Variants in NPM1 observed in about 807,000 individuals in gnomAD.
The protein encoded by NPM1 is nucleophosmin 1, also known as nucleophosmin.
NPM1 carries 1 observed loss-of-function variant against 44.1 expected under a neutral mutation model. That is an observed-to-expected ratio of 0.02 (90% CI 0.01 to 0.11). NPM1 has a LOEUF of 0.11. Among genes scored for constraint, NPM1 ranks in the 10% least tolerant of loss-of-function variants. The probability of loss-of-function intolerance (pLI) is 1.00; values close to 1 mark genes in which losing one functional copy is unlikely to be tolerated. For missense variants in NPM1, 197 were observed against 347.8 expected (o/e 0.57, Z 3.45); for synonymous variants, 126 against 111.8 (o/e 1.13, Z -0.80).
rs1193084676 is a variant in NPM1, at chr5:171,392,985, A to G, written c.524+7A>G. 1.2e-6 allele frequency: 2 copies of G among 1,607,732 alleles called. No homozygotes were observed. Among genetic ancestry groups the G allele is most frequent in the Admixed American group, 1.7e-5 (1 of 59,660 alleles). ...AAGAGGATGATGATGAAGAGTAAGT[A>G]TGATTTTAGAAACTTGATATACTTC... On this transcript the variant is annotated splice_region_variant and intron_variant, in intron 6 of 10. Transcript: ENST00000296930.
At chr5:171,388,196 G>C (rs1052642721) in intron 1 of NPM1, among the ~76,000 whole-genome samples, 190 bp downstream of exon 1, 2 of 152,002 alleles carry the variant, frequency 1.3e-5, no homozygotes, top group Non-Finnish European at 2.9e-5. Flanking sequence ...GGAGCCGGTG[G>C]CGTGAAGGGG....
At chr5:171,409,347 C>T (rs1199273807) in intron 10 of NPM1, among the ~76,000 whole-genome samples, 1 of 152,108 alleles carries the variant, frequency 6.6e-6, no homozygotes, top group Non-Finnish European at 1.5e-5. Flanking sequence ...TGCCTATAAT[C>T]CCAGCACTTT....
At chr5:171,406,043 G>T (rs2113279898) in intron 9 of NPM1, among the ~76,000 whole-genome samples, 1 of 152,222 alleles carries the variant, frequency 6.6e-6, no homozygotes, top group South Asian at 2.1e-4. Flanking sequence ...GGAATAAATG[G>T]TTTAAATGCC....
Position 171,410,600 on chromosome 5 carries a change from C to G in NPM1, c.*35C>G, listed in dbSNP as rs760396612. ...TTAAACAATTTGTTAAAAAATTTTC[C>G]GTCTTATTTCATTTCTGTAACAGTT... is the stretch of plus-strand genomic sequence containing the variant. On this transcript the variant is annotated 3_prime_UTR_variant, in exon 11 of 11. Coordinates refer to ENST00000296930, the MANE Select transcript of NPM1 (RefSeq NM_002520.7). The G allele has an allele frequency of 6.9e-6, 9 of 1,313,326 alleles. No individual in the cohort carries two copies. The highest frequency in any genetic ancestry group is 9.5e-6 in the Non-Finnish European group (9 of 944,548). The allele number at this position is 1,313,326 out of a possible 1,614,324, so 81.4% of individuals were successfully genotyped here.
intron 10 of NPM1, among the ~76,000 whole-genome samples, chr5:171,408,071 G>C (rs1771659791): frequency 6.6e-6 from 1 of 151,268 alleles, no homozygotes; most frequent in African/African-American, 2.4e-5. Flanking sequence ...TAAGGAAATT[G>C]CTGTGGTTTT....
At chr5:171,395,750 C>T (rs1433967327) in intron 6 of NPM1, among the ~76,000 whole-genome samples, 1 of 152,166 alleles carries the variant, frequency 6.6e-6, no homozygotes, top group Non-Finnish European at 1.5e-5. Flanking sequence ...GAAATCTAAC[C>T]TTTTGAACAC....
At chr5:171,387,837 G>A (rs1770309816), upstream of NPM1, 5 of 992,988 alleles carry the variant, frequency 5.0e-6, no homozygotes, top group Admixed American at 6.0e-5. Flanking sequence ...ATAAGCGCGG[G>A]GAGCCTGCGT....
At chr5:171,398,987 A>G (rs963731940) in intron 6 of NPM1, among the ~76,000 whole-genome samples, 1 of 151,732 alleles carries the variant, frequency 6.6e-6, no homozygotes, top group East Asian at 2.0e-4. Flanking sequence ...AGTAGCTGGG[A>G]TTACAGGCGC....
At chr5:171,397,301 G>A (rs1157214464) in intron 6 of NPM1, among the ~76,000 whole-genome samples, 3 of 152,172 alleles carry the variant, frequency 2.0e-5, no homozygotes, top group Non-Finnish European at 2.9e-5. Context: ...GAGCATTTGA[G>A]TTGCTTCTAC....
At chr5:171,399,683 A>T (rs1047838897) in intron 6 of NPM1, among the ~76,000 whole-genome samples, 1 of 150,298 alleles carries the variant, frequency 6.7e-6, no homozygotes, top group Non-Finnish European at 1.5e-5. Context: ...TAGGTCTTTA[A>T]TTTTTTTTTT....
At chr5:171,393,594 T>G (rs371662551) in intron 6 of NPM1, among the ~76,000 whole-genome samples, 1 of 151,108 alleles carries the variant, frequency 6.6e-6, no homozygotes, top group African/African-American at 2.4e-5. Flanking sequence ...ATAATTGGTC[T>G]TATGTGTGCC....
chr5:171,402,973 A>AAT (rs1771302505), intron 8 of NPM1, among the ~76,000 whole-genome samples: 3 of 90,858 alleles, frequency 3.3e-5, no homozygotes, highest in Non-Finnish European at 4.3e-5. Flanking sequence ...TTTTCATTTT[A>AAT]TTTATTTATT....
chr5:171,391,321 G>A lies in NPM1; in HGVS notation c.155G>A (p.Gly52Asp), dbSNP rs372208958. 7 of 1,613,556 alleles carry A rather than the reference G, an allele frequency of 4.3e-6. No homozygotes were observed. Among genetic ancestry groups the A allele is most frequent in the African/African-American group, 1.3e-5 (1 of 74,880 alleles). ...LSLRTVSLGA[G>D]AKDELHIVEA... is the part of the protein sequence containing the mutation. ...TGTTCACAGGTCAGTTTAGGGGCTGGTGCAAAGGATGAGTTGCACATTGTT... is the reference window on the plus strand; with the variant it reads ...TGTTCACAGGTCAGTTTAGGGGCTGATGCAAAGGATGAGTTGCACATTGTT... The change falls in exon 3 of 11, where the codon GGT becomes GAT. Residue 52 changes from glycine to aspartate, a missense_variant. Gly to Asp is a moderately conservative substitution (Grantham distance 94). Transcript: ENST00000296930.
At chr5:171,395,799 T>C (rs1237713357) in intron 6 of NPM1, among the ~76,000 whole-genome samples, 1 of 152,126 alleles carries the variant, frequency 6.6e-6, no homozygotes, top group African/African-American at 2.4e-5. Context: ...GAGGATGGAA[T>C]GGGTATATGG....
chr5:171,394,407 C>T (rs754401695), intron 6 of NPM1, among the ~76,000 whole-genome samples: 3 of 152,100 alleles, frequency 2.0e-5, no homozygotes, highest in South Asian at 2.1e-4. Flanking sequence ...CTCCTAACCT[C>T]GGGCGATCTG....
chr5:171,393,779 T>C (rs1043382471), intron 6 of NPM1, among the ~76,000 whole-genome samples: 7 of 152,146 alleles, frequency 4.6e-5, no homozygotes, highest in African/African-American at 1.7e-4. Context: ...CTTCAAAATC[T>C]TTGAGCATGA....
intron 8 of NPM1, among the ~76,000 whole-genome samples, chr5:171,405,022 C>T: frequency 6.6e-6 from 1 of 152,160 alleles, no homozygotes; most frequent in Admixed American, 6.5e-5. Context: ...ACTACAGCCT[C>T]CAGCTGCTGG....
chr5:171,397,410 G>A (rs1224221642), intron 6 of NPM1, among the ~76,000 whole-genome samples: 1 of 152,088 alleles, frequency 6.6e-6, no homozygotes, highest in Non-Finnish European at 1.5e-5. Flanking sequence ...GCAGTGTATG[G>A]GGCTTCTGAT....
intron 8 of NPM1, among the ~76,000 whole-genome samples, chr5:171,402,018 C>CT (rs1431134420): frequency 7.0e-6 from 1 of 143,720 alleles, no homozygotes; most frequent in African/African-American, 2.6e-5. Flanking sequence ...ACTACAGTGA[C>CT]TTTCTTGCTT....
Sources: allele counts gnomAD v4.1 joint callset (sites outside exome capture counted in the v4.1 genomes callset), GRCh38; gene constraint gnomAD v4.1.1; transcripts MANE v1.5; gene names NCBI Gene and HGNC (gene_info 2026-07-23, HGNC 2026-07-21).